Variants in MALRD1 observed in about 807,000 individuals in gnomAD.
MALRD1 encodes MAM and LDL receptor class A domain containing 1.
A neutral mutation model predicts 242.1 loss-of-function variants in MALRD1; 247 were observed. The observed-to-expected ratio is 1.02, with a 90% confidence interval of 0.92 to 1.13. MALRD1 has a LOEUF of 1.13. Among genes scored for constraint, MALRD1 ranks in the 50% most tolerant of loss-of-function variants. The probability of loss-of-function intolerance (pLI) is 0.00; values close to 1 mark genes in which losing one functional copy is unlikely to be tolerated. For synonymous variants in MALRD1, 995 were observed against 866.6 expected, an observed-to-expected ratio of 1.15 and a Z score of -2.60; for missense variants, 2,989 against 2,533.1, an observed-to-expected ratio of 1.18 and a Z score of -3.86.
chr10:19,466,171 G>A (rs1201672614), intron 29 of MALRD1, among the ~76,000 whole-genome samples: 1 of 151,932 alleles, frequency 6.6e-6, no homozygotes, highest in Non-Finnish European at 1.5e-5. Context: ...TTTCTACTGA[G>A]CTGCTTGCTT....
intron 26 of MALRD1, among the ~76,000 whole-genome samples, chr10:19,371,044 G>C (rs568325561): frequency 6.9e-6 from 1 of 144,330 alleles, no homozygotes; most frequent in Non-Finnish European, 1.5e-5. Context: ...GGTGGTAGGA[G>C]TTTTAGACCA....
At chr10:19,136,339 G>T (rs1281384423) in intron 9 of MALRD1, among the ~76,000 whole-genome samples, 6 of 145,008 alleles carry the variant, frequency 4.1e-5, no homozygotes, top group Admixed American at 3.4e-4. Flanking sequence ...GTTTCCATCA[G>T]TTTTTTTTTT....
chr10:19,684,664 A>G (rs1398252090), intron 36 of MALRD1, among the ~76,000 whole-genome samples: 1 of 152,228 alleles, frequency 6.6e-6, no homozygotes, highest in African/African-American at 2.4e-5. Context: ...AGGCAGGAGA[A>G]TCTGTTGAAC....
intron 36 of MALRD1, among the ~76,000 whole-genome samples, chr10:19,672,728 T>C (rs1462520671): frequency 1.3e-5 from 2 of 151,994 alleles, no homozygotes; most frequent in Admixed American, 6.6e-5. Context: ...CCGACCAATA[T>C]ATATCTTTTT....
intron 18 of MALRD1, among the ~76,000 whole-genome samples, chr10:19,236,017 G>T (rs1838302675): frequency 6.6e-6 from 1 of 152,130 alleles, no homozygotes; most frequent in African/African-American, 2.4e-5. Context: ...CTGAAAATGT[G>T]GGACTGGATT....
intron 31 of MALRD1, among the ~76,000 whole-genome samples, chr10:19,524,810 A>G (rs947217270): frequency 2.0e-5 from 3 of 152,072 alleles, no homozygotes; most frequent in African/African-American, 7.2e-5. Context: ...GTCTTTTATT[A>G]TTTTTCCTTA....
intron 18 of MALRD1, among the ~76,000 whole-genome samples, chr10:19,225,073 A>C (rs1344218043): frequency 6.6e-6 from 1 of 152,152 alleles, no homozygotes; most frequent in East Asian, 1.9e-4. Context: ...CAGTTTTCCC[A>C]TCACCATTTA....
chr10:19,556,478 T>C (rs1589235796), intron 32 of MALRD1, among the ~76,000 whole-genome samples: 1 of 152,258 alleles, frequency 6.6e-6, no homozygotes, highest in Non-Finnish European at 1.5e-5. Context: ...TCCATAGTTT[T>C]ACCTTTTCCA....
chr10:19,182,452 G>T, intron 14 of MALRD1, among the ~76,000 whole-genome samples: 1 of 149,236 alleles, frequency 6.7e-6, no homozygotes, highest in Admixed American at 6.8e-5. Context: ...AGCCTCCCGA[G>T]TATCTGGGAC....
intron 10 of MALRD1, among the ~76,000 whole-genome samples, chr10:19,136,999 A>G (rs866139896): frequency 4.6e-5 from 7 of 152,192 alleles, no homozygotes; most frequent in South Asian, 4.1e-4. Flanking sequence ...ACATCTCTCA[A>G]TTTATTCTAC....
At chr10:19,163,413 ATACCGC>A in intron 12 of MALRD1, among the ~76,000 whole-genome samples, 1 of 151,762 alleles carries the variant, frequency 6.6e-6, no homozygotes, top group Admixed American at 6.6e-5. Flanking sequence ...AGGAAACCAA[ATACCGC>A]ACGTTCTCAC....
chr10:19,388,589 A>G (rs1458519076), intron 27 of MALRD1, among the ~76,000 whole-genome samples: 1 of 152,194 alleles, frequency 6.6e-6, no homozygotes, highest in Non-Finnish European at 1.5e-5. Context: ...GAGATGATGT[A>G]TATGAAGAGA....
intron 33 of MALRD1, among the ~76,000 whole-genome samples, chr10:19,581,053 A>C (rs539474576): frequency 6.6e-6 from 1 of 152,240 alleles, no homozygotes; most frequent in East Asian, 1.9e-4. Flanking sequence ...TGATTTTTTA[A>C]AGTAAAAAAG....
At chr10:19,572,870 C>T (rs1836630529) in intron 33 of MALRD1, among the ~76,000 whole-genome samples, 2 of 152,112 alleles carry the variant, frequency 1.3e-5, no homozygotes, top group East Asian at 3.9e-4. Flanking sequence ...AGTGGAGCAG[C>T]TTCTCCCCAG....
chr10:19,092,146 G>T (rs1198802198), intron 4 of MALRD1, among the ~76,000 whole-genome samples: 1 of 14,096 alleles, frequency 7.1e-5, no homozygotes. Flanking sequence ...GGGTATCCTT[G>T]TTGACTTTCT....
chr10:19,188,032 T>C (rs1835813130), intron 14 of MALRD1, among the ~76,000 whole-genome samples: 1 of 152,192 alleles, frequency 6.6e-6, no homozygotes, highest in African/African-American at 2.4e-5. Flanking sequence ...TCACAGTTTT[T>C]AAATTATGTG....
chr10:19,437,317 T>C (rs934684891), intron 28 of MALRD1, among the ~76,000 whole-genome samples: 1 of 152,098 alleles, frequency 6.6e-6, no homozygotes, highest in Admixed American at 6.6e-5. Context: ...TCCACTGCTT[T>C]GTATATTTAA....
At chr10:19,175,129 C>T (rs1278280921) in intron 13 of MALRD1, 79 bp from the exon 14 acceptor site, 1 of 1,032,250 alleles carries the variant, frequency 9.7e-7, no homozygotes, top group East Asian at 3.4e-5. Context: ...AAATAGGGTT[C>T]CTCTACACAA....
intron 18 of MALRD1, among the ~76,000 whole-genome samples, chr10:19,254,207 G>GATAA (rs1216473411): frequency 6.6e-6 from 1 of 152,128 alleles, no homozygotes; most frequent in Middle Eastern, 3.4e-3. Flanking sequence ...AAAAGGAGCT[G>GATAA]ATAAATGATA....
Sources: allele counts gnomAD v4.1 joint callset (sites outside exome capture counted in the v4.1 genomes callset), GRCh38; gene constraint gnomAD v4.1.1; transcripts MANE v1.5; gene names NCBI Gene and HGNC (gene_info 2026-07-23, HGNC 2026-07-21).